Variants in FRMD4A observed in about 807,000 individuals in gnomAD.
FRMD4A encodes the protein FERM domain-containing protein 4A.
FRMD4A carries 29 observed loss-of-function variants against 129.1 expected under a neutral mutation model. The observed-to-expected ratio is 0.22, with a 90% CI of 0.17 to 0.31. The LOEUF (loss-of-function observed/expected upper bound fraction) is 0.31. FRMD4A is among the 10% of genes least tolerant of loss of function. The pLI, the probability that FRMD4A is intolerant of heterozygous loss-of-function variation, is 1.00. For missense variants in FRMD4A, 1,272 were observed against 1,375.8 expected (o/e 0.92, Z 1.19); for synonymous variants, 634 against 571.6 (o/e 1.11, Z -1.56).
chr10:14,195,191 T>C (rs956299241), intron 2 of FRMD4A, among the ~76,000 whole-genome samples: 12 of 152,196 alleles, frequency 7.9e-5, no homozygotes, highest in African/African-American at 2.7e-4. Context: ...GTAGGCTAGA[T>C]GTCCTAATTC....
chr10:13,823,799 T>C (rs2093662487), intron 3 of FRMD4A, among the ~76,000 whole-genome samples: 2 of 152,194 alleles, frequency 1.3e-5, no homozygotes, highest in Non-Finnish European at 2.9e-5. Flanking sequence ...AAACTAGATA[T>C]CTTCATGACA....
chr10:14,162,013 A>G (rs962892316), intron 2 of FRMD4A, among the ~76,000 whole-genome samples: 5 of 150,816 alleles, frequency 3.3e-5, no homozygotes, highest in African/African-American at 1.2e-4. Flanking sequence ...ACTTTAAGTT[A>G]TATATATTAG....
At chr10:14,309,595 T>C (rs954806661) in intron 2 of FRMD4A, among the ~76,000 whole-genome samples, 4 of 152,178 alleles carry the variant, frequency 2.6e-5, no homozygotes, top group Non-Finnish European at 4.4e-5. Context: ...TTCATTTAAG[T>C]TCTGAGAACC....
chr10:14,040,327 TG>T (rs1356785149), intron 2 of FRMD4A, among the ~76,000 whole-genome samples: 1 of 151,872 alleles, frequency 6.6e-6, no homozygotes, highest in Non-Finnish European at 1.5e-5. Flanking sequence ...AAAGTTCTTG[TG>T]GGGAAGCAAA....
At chr10:13,751,737 G>A (rs2091635079) in intron 8 of FRMD4A, among the ~76,000 whole-genome samples, 1 of 152,198 alleles carries the variant, frequency 6.6e-6, no homozygotes, top group Non-Finnish European at 1.5e-5. Flanking sequence ...AGAGCTGGAT[G>A]TGGTGGCTCA....
intron 5 of FRMD4A, among the ~76,000 whole-genome samples, chr10:13,792,855 AGCCTGATACTT>A (rs1246940178): frequency 1.3e-5 from 2 of 152,224 alleles, no homozygotes; most frequent in African/African-American, 4.8e-5. Flanking sequence ...AACCTCCTGC[AGCCTGATACTT>A]GCCTCAGGGC....
intron 2 of FRMD4A, among the ~76,000 whole-genome samples, chr10:14,113,974 G>A (rs1358987899): frequency 6.6e-6 from 1 of 152,206 alleles, no homozygotes; most frequent in African/African-American, 2.4e-5. Context: ...GGATGCGAGA[G>A]CTACTGTGAG....
chr10:14,143,276 A>C (rs780285102), intron 2 of FRMD4A, among the ~76,000 whole-genome samples: 1 of 152,258 alleles, frequency 6.6e-6, no homozygotes, highest in Non-Finnish European at 1.5e-5. Flanking sequence ...TGGTATATAC[A>C]TACAATTAAA....
Position 14,234,471 on chromosome 10 carries a change from G to C in FRMD4A, c.45+95587C>G, listed in dbSNP as rs368573922. ...GGGTTGATGTGAAATTAGGCACGAGGGAATTCTTCTTAGGTAGCAGCCAGC... is the reference window on the plus strand; with the variant it reads ...GGGTTGATGTGAAATTAGGCACGAGCGAATTCTTCTTAGGTAGCAGCCAGC... On this transcript the variant is annotated intron_variant, in intron 2 of 24. Coordinates refer to ENST00000357447, the MANE Select transcript of FRMD4A (RefSeq NM_018027.5). Among the ~76,000 whole-genome samples, 15 of 152,272 alleles carry C rather than the reference G, an allele frequency of 9.9e-5. 1 individual carries two copies. In the East Asian group the frequency reaches 2.9e-3, roughly 29 times the overall value.
At chr10:14,023,872 G>T (rs1832871322) in intron 2 of FRMD4A, among the ~76,000 whole-genome samples, 2 of 152,066 alleles carry the variant, frequency 1.3e-5, no homozygotes, top group African/African-American at 2.4e-5. Flanking sequence ...TCTCCAAGTA[G>T]CAGGGACCCA....
intron 2 of FRMD4A, among the ~76,000 whole-genome samples, chr10:14,138,233 A>G (rs1404387707): frequency 6.6e-6 from 1 of 152,194 alleles, no homozygotes; most frequent in African/African-American, 2.4e-5. Flanking sequence ...GGTAACACCA[A>G]GGTGACCAAG....
intron 12 of FRMD4A, among the ~76,000 whole-genome samples, chr10:13,725,678 TC>T (rs2089840501): frequency 1.3e-5 from 2 of 152,284 alleles, no homozygotes; most frequent in South Asian, 4.1e-4. Context: ...GGGATGGCCT[TC>T]CCAGGGCCCT....
intron 2 of FRMD4A, among the ~76,000 whole-genome samples, chr10:14,104,486 G>T (rs1837479973): frequency 6.6e-6 from 1 of 152,162 alleles, no homozygotes; most frequent in Non-Finnish European, 1.5e-5. Context: ...CTTTCCAGAT[G>T]CTCTACTCCC....
At chr10:13,995,773 G>A (rs777844581) in intron 2 of FRMD4A, among the ~76,000 whole-genome samples, 29 of 151,926 alleles carry the variant, frequency 1.9e-4, no homozygotes, top group African/African-American at 3.4e-4. Context: ...ACCATTCTAC[G>A]TTGTTGATTT....
chr10:14,158,918 GA>G (rs201779055), intron 2 of FRMD4A, among the ~76,000 whole-genome samples: 1,645 of 152,056 alleles, frequency 0.011, 31 homozygotes, highest in African/African-American at 0.037. Flanking sequence ...GGATGAAGAG[GA>G]AAAAACAAAT....
chr10:14,117,875 C>A (rs1403739924), intron 2 of FRMD4A, among the ~76,000 whole-genome samples: 1 of 152,148 alleles, frequency 6.6e-6, no homozygotes, highest in Non-Finnish European at 1.5e-5. Flanking sequence ...ACAATTTCAA[C>A]ATGGGCAATA....
At chr10:13,920,865 C>A (rs1321518942) in intron 2 of FRMD4A, among the ~76,000 whole-genome samples, 3 of 152,242 alleles carry the variant, frequency 2.0e-5, no homozygotes, top group Admixed American at 2.0e-4. Context: ...CAGTTATACA[C>A]AGGTGCTTCA....
intron 12 of FRMD4A, chr10:13,707,499 G>C (rs1267960377): frequency 9.9e-7 from 1 of 1,009,580 alleles, no homozygotes; most frequent in Non-Finnish European, 1.2e-6. Context: ...GGCGGCGGGT[G>C]AGGGGAGAGG....
intron 2 of FRMD4A, among the ~76,000 whole-genome samples, chr10:13,939,587 A>C (rs2095275222): frequency 6.6e-6 from 1 of 152,240 alleles, no homozygotes; most frequent in South Asian, 2.1e-4. Context: ...CTCCAGAAAA[A>C]TGTCCATATG....
Sources: allele counts gnomAD v4.1 joint callset (sites outside exome capture counted in the v4.1 genomes callset), GRCh38; gene constraint gnomAD v4.1.1; transcripts MANE v1.5; gene names NCBI Gene and HGNC (gene_info 2026-07-23, HGNC 2026-07-21).